The following PALS2 variants were observed in gnomAD, a reference collection of about 807,000 sequenced individuals.
PALS2 encodes the protein protein PALS2.
A neutral mutation model predicts 61.6 loss-of-function variants in PALS2; 27 were observed. The ratio of observed to expected loss-of-function variants is 0.44; its 90% CI spans 0.32 to 0.60. PALS2 has a LOEUF of 0.60. PALS2 is among the 20% of genes least tolerant of loss of function. PALS2 has a pLI of 0.05. For synonymous variants in PALS2, 236 were observed against 218.6 expected (o/e 1.08, Z -0.70); for missense variants, 554 against 639.4 (o/e 0.87, Z 1.44).
intron 6 of PALS2, among the ~76,000 whole-genome samples, chr7:24,664,078 G>A (rs1385008325): frequency 1.3e-5 from 2 of 152,110 alleles, no homozygotes; most frequent in East Asian, 1.9e-4. Flanking sequence ...TTAAGTAGGA[G>A]ACTTTTACTG....
chr7:24,638,317 A>ATTTTTTTTTT (rs1562631729), intron 2 of PALS2, among the ~76,000 whole-genome samples: 4 of 14,254 alleles, frequency 2.8e-4, no homozygotes, highest in Non-Finnish European at 4.3e-4. Flanking sequence ...CAATTTCTGT[A>ATTTTTTTTTT]TTTTCTTTTT....
intron 11 of PALS2, among the ~76,000 whole-genome samples, chr7:24,686,816 T>C (rs1314001053): frequency 6.6e-6 from 1 of 152,360 alleles, no homozygotes; most frequent in East Asian, 1.9e-4. Flanking sequence ...GCTTTACTTA[T>C]GTAGAACCCA....
chr7:24,622,506 A>G (rs1037215261), intron 1 of PALS2, among the ~76,000 whole-genome samples: 4 of 151,932 alleles, frequency 2.6e-5, no homozygotes, highest in Non-Finnish European at 5.9e-5. Flanking sequence ...ATGTGTAACA[A>G]CATATTGGTT....
intron 5 of PALS2, among the ~76,000 whole-genome samples, chr7:24,653,656 G>A (rs967728890): frequency 3.9e-5 from 6 of 152,114 alleles, no homozygotes; most frequent in Non-Finnish European, 8.8e-5. Context: ...AGATGATACA[G>A]CAAACATTAT....
intron 2 of PALS2, among the ~76,000 whole-genome samples, chr7:24,641,007 CAAAA>C (rs35912373): frequency 7.5e-5 from 5 of 67,106 alleles, no homozygotes; most frequent in East Asian, 4.7e-4. Context: ...GACTCCATCT[CAAAA>C]AAAAAAAAAA....
intron 9 of PALS2, among the ~76,000 whole-genome samples, chr7:24,671,583 C>A (rs1337159171): frequency 6.6e-6 from 1 of 152,148 alleles, no homozygotes; most frequent in Non-Finnish European, 1.5e-5. Flanking sequence ...CATATCGTAT[C>A]AAGTATGGTA....
At chr7:24,661,692 A>G (rs1046655364) in intron 5 of PALS2, among the ~76,000 whole-genome samples, 1 of 152,200 alleles carries the variant, frequency 6.6e-6, no homozygotes, top group Non-Finnish European at 1.5e-5. Context: ...ACTTGCAGGT[A>G]TTATACTTTG....
intron 9 of PALS2, among the ~76,000 whole-genome samples, chr7:24,670,684 G>T (rs545301183): frequency 6.6e-6 from 1 of 152,226 alleles, no homozygotes; most frequent in African/African-American, 2.4e-5. Flanking sequence ...AAGAATCTCT[G>T]TACCCATTTC....
chr7:24,670,813 T>G (rs996969388), intron 9 of PALS2, among the ~76,000 whole-genome samples: 7 of 152,244 alleles, frequency 4.6e-5, no homozygotes, highest in Admixed American at 1.3e-4. Flanking sequence ...GTTTTGTGAC[T>G]GGCTTCTTAA....
chr7:24,645,830 C>G (rs374099886), intron 3 of PALS2, among the ~76,000 whole-genome samples: 6 of 152,206 alleles, frequency 3.9e-5, no homozygotes, highest in East Asian at 3.9e-4. Flanking sequence ...AGAAATCTTT[C>G]ACCTCCCTGG....
At chr7:24,611,481 C>T (rs1382922084) in intron 1 of PALS2, among the ~76,000 whole-genome samples, 1 of 151,732 alleles carries the variant, frequency 6.6e-6, no homozygotes, top group Admixed American at 6.6e-5. Flanking sequence ...ATTTTTGTGA[C>T]TGTGAAACTA....
At chr7:24,621,688 A>C (rs1286197203) in intron 1 of PALS2, among the ~76,000 whole-genome samples, 1 of 152,072 alleles carries the variant, frequency 6.6e-6, no homozygotes, top group Non-Finnish European at 1.5e-5. Context: ...GGTAAGCAGC[A>C]TGGAACAGAA....
chr7:24,577,605 C>T lies in PALS2; in HGVS notation c.-3+4012C>T, dbSNP rs1383614694. ...TTTTTGCTATATTTCATCTACATTG[C>T]CCTTCATTTTGTTCCTCATCAATGC... On this transcript the variant is annotated intron_variant, in intron 1 of 11. Coordinates refer to ENST00000222644, the MANE Select transcript of PALS2 (RefSeq NM_001303037.2). Among the ~76,000 whole-genome samples the T allele has an allele frequency of 2.0e-5, 3 of 152,180 alleles. No homozygotes were observed. In the East Asian group the frequency reaches 5.8e-4, roughly 29 times the overall value.
chr7:24,617,263 CTCAT>C (rs763215138), intron 1 of PALS2, among the ~76,000 whole-genome samples: 3 of 152,016 alleles, frequency 2.0e-5, no homozygotes, highest in African/African-American at 4.8e-5. Context: ...TTTTGAATTT[CTCAT>C]TCAAACAATG....
At chr7:24,608,561 A>G (rs2128051052) in intron 1 of PALS2, among the ~76,000 whole-genome samples, 1 of 152,232 alleles carries the variant, frequency 6.6e-6, no homozygotes, top group South Asian at 2.1e-4. Context: ...CTGGATTAGC[A>G]GTTTCAACTT....
At chr7:24,634,416 G>A (rs1785145703) in intron 2 of PALS2, among the ~76,000 whole-genome samples, 1 of 152,068 alleles carries the variant, frequency 6.6e-6, no homozygotes, top group Non-Finnish European at 1.5e-5. Flanking sequence ...ATTTTTAGTA[G>A]AAACGGGGTT....
At chr7:24,579,113 A>C (rs992418529) in intron 1 of PALS2, among the ~76,000 whole-genome samples, 4 of 152,250 alleles carry the variant, frequency 2.6e-5, no homozygotes, top group African/African-American at 9.6e-5. Flanking sequence ...TCAAGTGGGC[A>C]AAGATCATGA....
At chr7:24,668,251 A>G (rs1389479133) in intron 8 of PALS2, among the ~76,000 whole-genome samples, 1 of 152,134 alleles carries the variant, frequency 6.6e-6, no homozygotes, top group Non-Finnish European at 1.5e-5. Context: ...TCAAGGGTAC[A>G]GTGAGCTAAG....
At chr7:24,646,657 C>G (rs1436946796) in intron 3 of PALS2, among the ~76,000 whole-genome samples, 1 of 152,172 alleles carries the variant, frequency 6.6e-6, no homozygotes, top group African/African-American at 2.4e-5. Flanking sequence ...AAAGATGAGG[C>G]TGCCCTCATA....
Sources: allele counts gnomAD v4.1 joint callset (sites outside exome capture counted in the v4.1 genomes callset), GRCh38; gene constraint gnomAD v4.1.1; transcripts MANE v1.5; gene names NCBI Gene and HGNC (gene_info 2026-07-23, HGNC 2026-07-21).